ST6GALNAC6: variants seen among roughly 807,000 people sequenced by gnomAD.
ST6GALNAC6 encodes ST6 N-acetylgalactosaminide alpha-2,6-sialyltransferase 6.
ST6GALNAC6 carries 19 observed loss-of-function variants against 34.3 expected under a neutral mutation model. The ratio of observed to expected loss-of-function variants is 0.55; its 90% CI spans 0.39 to 0.81. The LOEUF is 0.81. Ranked by LOEUF, ST6GALNAC6 falls within the 40% of genes least tolerant of loss-of-function variation. The probability of loss-of-function intolerance (pLI) is 0.00; values close to 1 mark genes in which losing one functional copy is unlikely to be tolerated. For missense variants in ST6GALNAC6, 377 were observed against 467.7 expected (o/e 0.81, Z 1.79); for synonymous variants, 185 against 182.1 (o/e 1.02, Z -0.13).
rs774617297 is a variant in ST6GALNAC6 at position 127,885,564 on chromosome 9, C to T, written c.*1035G>A. 1.3e-5 allele frequency: 2 copies of T among 152,314 alleles called. No individual in the cohort carries two copies. The highest frequency in any genetic ancestry group is 2.9e-5 in the Non-Finnish European group (2 of 68,144). The allele number at this position is 152,314 out of a possible 1,614,324, so 9.4% of individuals were successfully genotyped here. A position where few individuals can be genotyped will look rare whatever the true frequency, so the allele number is the denominator to read the frequency against. On this transcript the variant is annotated 3_prime_UTR_variant, in exon 7 of 7. Coordinates refer to ENST00000373146, the MANE Select transcript of ST6GALNAC6 (RefSeq NM_013443.5). The stretch of plus-strand genomic sequence containing the variant: ...CCTGATACAGAGCCAGGGGACAGAA[C>T]CCAGGTGATACAGCTCCCGACAGCC...
chr9:127,899,711 C>A (rs571834221), upstream of ST6GALNAC6: 4 of 970,544 alleles, frequency 4.1e-6, no homozygotes, highest in Non-Finnish European at 4.9e-6. Context: ...ACGGGCGGCG[C>A]GGGCGGGGAA....
Position 127,886,696 on chromosome 9 carries a change from CGACTGTGCTCAT to C in ST6GALNAC6, c.893_904del (p.Asn298_Arg302delinsSer), listed in dbSNP as rs754698350. On this transcript the variant is annotated inframe_deletion, in exon 7 of 7. Transcript: ENST00000373146. ...GATGAAGCGGTGGTGGTTGCCCTTG[CGACTGTGCTCAT>C]TCTGGATGTAGGTGACACATTCGTC... 1 of 1,614,074 alleles carries C rather than the reference CGACTGTGCTCAT, an allele frequency of 6.2e-7. No individual in the cohort carries two copies. Among genetic ancestry groups the C allele is most frequent in the Admixed American group, 1.7e-5 (1 of 60,016 alleles).
intron 2 of ST6GALNAC6, chr9:127,897,493 GC>G: frequency 1.1e-6 from 1 of 888,940 alleles, no homozygotes; most frequent in Non-Finnish European, 1.3e-6. Flanking sequence ...CTCCAACCCC[GC>G]CCCCTCCCCG....
At chr9:127,893,368 T>A (rs1286280832) in intron 4 of ST6GALNAC6, among the ~76,000 whole-genome samples, 1 of 152,132 alleles carries the variant, frequency 6.6e-6, no homozygotes, top group African/African-American at 2.4e-5. Flanking sequence ...AAGAACCACC[T>A]TGTTATTAAG....
At chr9:127,888,992 A>G (rs1829967121) in intron 5 of ST6GALNAC6, among the ~76,000 whole-genome samples, 1 of 152,222 alleles carries the variant, frequency 6.6e-6, no homozygotes, top group Non-Finnish European at 1.5e-5. Context: ...GAAGAAATAA[A>G]ATTGTCCTTA....
chr9:127,891,885 C>T (rs1300613815), intron 4 of ST6GALNAC6, among the ~76,000 whole-genome samples: 3 of 151,992 alleles, frequency 2.0e-5, no homozygotes, highest in Non-Finnish European at 4.4e-5. Context: ...GGTGCGATGG[C>T]TCACGCCTGT....
intron 6 of ST6GALNAC6, 37 bp downstream of exon 6, chr9:127,887,447 G>A (rs1317955108): frequency 1.3e-6 from 2 of 1,564,126 alleles, no homozygotes; most frequent in Non-Finnish European, 1.8e-6. Context: ...CAGTGCCTGG[G>A]TGTTGTCCTG....
In ST6GALNAC6 at chr9:127,890,659, G is replaced by A. The variant is rs140558384; in HGVS notation, c.682C>T (p.Arg228Trp). ...TACCTGTCCTTGCCCGTCTCACCCC[G>A]GAAGAGGTCGTCAAATTGCCGCATG... The part of the protein sequence containing the change: ...GRMRQFDDLF[R>W]GETGKDREKS... Residue 228 changes from arginine to tryptophan, a missense_variant, in exon 5 of 7, where the codon CGG becomes TGG. Coordinates refer to ENST00000373146, the MANE Select transcript of ST6GALNAC6 (RefSeq NM_013443.5). The surrounding 1 kb of genome is among the most constrained non-coding windows in gnomAD (Gnocchi z 4.3). The A allele has an allele frequency of 4.3e-5, 69 of 1,613,266 alleles. No homozygotes were observed. The Middle Eastern group carries it at 4.9e-4, about 12-fold the overall frequency.
chr9:127,894,611 C>T lies in ST6GALNAC6; in HGVS notation c.198G>A (p.Glu66=), dbSNP rs754936090. 1.2e-6 allele frequency: 2 copies of T among 1,614,222 alleles called. No homozygotes were observed. The highest frequency in any genetic ancestry group is 2.2e-5 in the South Asian group (2 of 91,084). Residue 66 remains glutamate, a synonymous_variant, in exon 4 of 7, where the codon GAG becomes GAA. Transcript: ENST00000373146. ...CCCGCAGGGAGCCGTAATGGAAGAC[C>T]TCATTGGCACTGTTGGAGCTGTAGA... The part of the protein sequence containing the change: ...LILYSSNSAN[E]VFHYGSLRGR...
intron 2 of ST6GALNAC6, among the ~76,000 whole-genome samples, chr9:127,896,709 G>A (rs1425091929): frequency 6.6e-6 from 1 of 152,186 alleles, no homozygotes; most frequent in African/African-American, 2.4e-5. Context: ...AACACCGCTT[G>A]TAGGCCCCCG....
Position 127,886,584 on chromosome 9 carries a change from C to T in ST6GALNAC6, c.*15G>A. Reference sequence around the variant, plus strand: ...TTCTCCTCTGACCCTCCTGAGGTCCCACAGGCTGGGTGGCCTAGGTCCAGG... The same window carrying T: ...TTCTCCTCTGACCCTCCTGAGGTCCTACAGGCTGGGTGGCCTAGGTCCAGG... On this transcript the variant is annotated 3_prime_UTR_variant, in exon 7 of 7. Coordinates refer to ENST00000373146, the MANE Select transcript of ST6GALNAC6 (RefSeq NM_013443.5). The T allele has an allele frequency of 6.2e-7, 1 of 1,613,472 alleles. No homozygotes were observed. Among genetic ancestry groups the T allele is most frequent in the African/African-American group, 1.3e-5 (1 of 74,994 alleles).
chr9:127,896,864 G>A, intron 2 of ST6GALNAC6: 5 of 985,312 alleles, frequency 5.1e-6, no homozygotes, highest in Non-Finnish European at 6.0e-6. Context: ...AGCTGCCTGC[G>A]GGATACAGCC....
chr9:127,905,248 T>C (rs922376197), exon 1 of ST6GALNAC6: 2 of 984,948 alleles, frequency 2.0e-6, no homozygotes, highest in South Asian at 4.7e-5. Flanking sequence ...AAGCAGAGAG[T>C]CTTCAGTTTC....
chr9:127,902,186 TCTCG>T (rs1327602987), upstream of ST6GALNAC6, among the ~76,000 whole-genome samples: 2 of 152,184 alleles, frequency 1.3e-5, no homozygotes, highest in Non-Finnish European at 2.9e-5. Context: ...TGAGATAAAG[TCTCG>T]CTCTGTCACC....
At chr9:127,896,859 C>A (rs917922061) in intron 2 of ST6GALNAC6, 15 of 985,282 alleles carry the variant, frequency 1.5e-5, no homozygotes, top group African/African-American at 1.7e-5. Flanking sequence ...CTAAGAGCTG[C>A]CTGCGGGATA....
upstream of ST6GALNAC6, among the ~76,000 whole-genome samples, chr9:127,902,353 G>A (rs1032512308): frequency 6.6e-6 from 1 of 151,758 alleles, no homozygotes; most frequent in African/African-American, 2.4e-5. Context: ...TAGAGATGGG[G>A]TTTTGCCATG....
rs1830090896 is a variant in ST6GALNAC6, at chr9:127,890,831, C to T, written c.510G>A (p.Glu170=). ...CGGTTTCAGGGGTCCGGTTGACAAA[C>T]TCCTGGGGCCTCCTCAGCACGCGGA... The part of the protein sequence containing the change: ...SVFRVLRRPQ[E]FVNRTPETVF... The change falls in exon 5 of 7, where the codon GAG becomes GAA. Residue 170 remains glutamate, a synonymous_variant. Coordinates refer to ENST00000373146, the MANE Select transcript of ST6GALNAC6 (RefSeq NM_013443.5). The surrounding 1 kb of genome is among the most constrained non-coding windows in gnomAD (Gnocchi z 4.3). The T allele has an allele frequency of 6.2e-7, 1 of 1,614,034 alleles. No homozygotes were observed. Among genetic ancestry groups the T allele is most frequent in the African/African-American group, 1.3e-5 (1 of 74,934 alleles).
chr9:127,892,837 C>G lies in ST6GALNAC6; in HGVS notation c.297+1675G>C, dbSNP rs1239461190. Among the ~76,000 whole-genome samples, 7 of 152,268 alleles carry G rather than the reference C, an allele frequency of 4.6e-5. No homozygotes were observed. The East Asian group carries it at 7.7e-4, about 17-fold the overall frequency. ...GTGACCCATGGCCCCCACCCAGGAA[C>G]TGACTCGGCAGGTGAAGACAGTTTC... is the stretch of plus-strand genomic sequence containing the variant. On this transcript the variant is annotated intron_variant, in intron 4 of 6. Transcript: ENST00000373146.
At chr9:127,898,894 C>T (rs1361553712) in intron 1 of ST6GALNAC6, among the ~76,000 whole-genome samples, 2 of 152,190 alleles carry the variant, frequency 1.3e-5, no homozygotes, top group Non-Finnish European at 2.9e-5. Flanking sequence ...GCGGCTTGCT[C>T]ACGCTGGGGA....
Sources: gnomAD v4.1 joint callset for allele counts (sites outside exome capture counted in the v4.1 genomes callset) on GRCh38, gnomAD v4.1.1 for gene constraint, Gnocchi (gnomAD v3.1) non-coding constraint, MANE v1.5 for transcripts, NCBI Gene and HGNC (gene_info 2026-07-23, HGNC 2026-07-21) for gene names.